Variants in PPP1R12B observed in about 807,000 individuals in gnomAD.
PPP1R12B encodes the protein myosin phosphatase target subunit 2.
In PPP1R12B, 76 loss-of-function variants were observed where a neutral mutation model predicts 126.1. The observed-to-expected ratio is 0.60, with a 90% CI of 0.50 to 0.73. The LOEUF is 0.73. Among genes scored for constraint, PPP1R12B ranks in the 30% least tolerant of loss-of-function variants. The pLI is 0.00. For synonymous variants in PPP1R12B, 356 were observed against 434.7 expected (o/e 0.82, Z 2.25); for missense variants, 1,052 against 1,205.1 (o/e 0.87, Z 1.88).
Position 202,493,237 on chromosome 1 carries a change from G to A in PPP1R12B, c.2065G>A (p.Glu689Lys). 1 of 1,613,038 alleles carries A rather than the reference G, an allele frequency of 6.2e-7. No individual in the cohort carries two copies. The highest frequency in any genetic ancestry group is 8.5e-7 in the Non-Finnish European group (1 of 1,179,872). The change falls in exon 15 of 24, where the codon GAG becomes AAG. Residue 689 changes from glutamate to lysine, a missense_variant. By Grantham distance (56) the Glu-to-Lys change is moderately conservative. Transcript: ENST00000608999. ...CACTGAAGGGCTTGAGGGGAGCCCT[G>A]AGAAGCATGAGCCCTCAGCAGTTCC... ...TDTEGLEGSPEKHEPSAVPAT... is the reference protein window; with the variant it reads ...TDTEGLEGSPKKHEPSAVPAT...
chr1:202,421,444 C>G (rs1270005394), intron 2 of PPP1R12B, among the ~76,000 whole-genome samples: 2 of 151,560 alleles, frequency 1.3e-5, no homozygotes, highest in Non-Finnish European at 2.9e-5. Flanking sequence ...CAAGACCAGC[C>G]TGACCAACAT....
At chr1:202,474,539 A>G (rs998181760) in intron 13 of PPP1R12B, among the ~76,000 whole-genome samples, 31 of 152,136 alleles carry the variant, frequency 2.0e-4, no homozygotes, top group Non-Finnish European at 4.4e-4. Flanking sequence ...CGGCCTCCTA[A>G]AATGCTGGAA....
chr1:202,357,501 T>C (rs1244335594), intron 1 of PPP1R12B, among the ~76,000 whole-genome samples: 1 of 152,200 alleles, frequency 6.6e-6, no homozygotes, highest in Non-Finnish European at 1.5e-5. Context: ...TAATTGTAAT[T>C]TAAATGAGGG....
chr1:202,350,745 CG>C (rs1655803170), intron 1 of PPP1R12B, among the ~76,000 whole-genome samples: 1 of 151,820 alleles, frequency 6.6e-6, no homozygotes, highest in African/African-American at 2.4e-5. Flanking sequence ...CTCAGCCTCC[CG>C]AGTAGCTGGG....
chr1:202,513,307 A>G (rs1162876902), intron 18 of PPP1R12B, among the ~76,000 whole-genome samples: 1 of 152,152 alleles, frequency 6.6e-6, no homozygotes, highest in Non-Finnish European at 1.5e-5. Context: ...AAGAATATCT[A>G]GTATTTAGGT....
Position 202,416,773 on chromosome 1 carries a change from ACTTTT to A in PPP1R12B, c.292-7_292-3del, listed in dbSNP as rs1449605374. 1 of 1,612,090 alleles carries A rather than the reference ACTTTT, an allele frequency of 6.2e-7. No individual in the cohort carries two copies. On this transcript the variant is annotated splice_polypyrimidine_tract_variant and intron_variant, in intron 1 of 23. Coordinates refer to ENST00000608999, the MANE Select transcript of PPP1R12B (RefSeq NM_002481.4). The stretch of plus-strand genomic sequence containing the variant: ...GAATACTTGTTGAATGAATGAATGG[ACTTTT>A]CTTTTCAGGCATGTATTGATGAAAA...
intron 18 of PPP1R12B, among the ~76,000 whole-genome samples, chr1:202,546,586 A>G (rs1375225221): frequency 6.6e-6 from 1 of 152,160 alleles, no homozygotes; most frequent in Non-Finnish European, 1.5e-5. Flanking sequence ...CCTGGGCAAC[A>G]GAATGAGACT....
intron 18 of PPP1R12B, among the ~76,000 whole-genome samples, chr1:202,517,489 C>T (rs1282656034): frequency 6.6e-6 from 1 of 152,088 alleles, no homozygotes; most frequent in African/African-American, 2.4e-5. Context: ...TACTGCAACC[C>T]ACAACTGACC....
At chr1:202,561,379 T>C (rs1253493407) in intron 19 of PPP1R12B, among the ~76,000 whole-genome samples, 1 of 149,860 alleles carries the variant, frequency 6.7e-6, no homozygotes, top group African/African-American at 2.4e-5. Flanking sequence ...TGGAGAAGAC[T>C]GCAGTCTTTT....
intron 1 of PPP1R12B, among the ~76,000 whole-genome samples, chr1:202,394,134 C>T (rs1664549220): frequency 2.6e-5 from 4 of 151,132 alleles, no homozygotes; most frequent in Non-Finnish European, 4.4e-5. Context: ...GTCAGGAGAT[C>T]GAGACCATCC....
intron 1 of PPP1R12B, 84 bp downstream of exon 1, chr1:202,349,226 G>A: frequency 1.3e-6 from 2 of 1,512,022 alleles, no homozygotes; most frequent in Non-Finnish European, 1.8e-6. Context: ...GGGAGTATCA[G>A]TGTTGCCGCC....
intron 1 of PPP1R12B, among the ~76,000 whole-genome samples, chr1:202,373,924 G>T (rs1290045543): frequency 6.6e-6 from 1 of 152,014 alleles, no homozygotes; most frequent in Non-Finnish European, 1.5e-5. Flanking sequence ...TAATGGTCAA[G>T]AAATAAAATA....
At chr1:202,536,440 A>G (rs1218061256) in intron 18 of PPP1R12B, among the ~76,000 whole-genome samples, 1 of 152,126 alleles carries the variant, frequency 6.6e-6, no homozygotes, top group Non-Finnish European at 1.5e-5. Context: ...AAAATGATAT[A>G]CCTGTATAGG....
chr1:202,431,643 A>G (rs746686312), intron 8 of PPP1R12B, 24 bp downstream of exon 8: 23 of 1,591,842 alleles, frequency 1.4e-5, no homozygotes, highest in Non-Finnish European at 2.0e-5. Context: ...GTTCATAGTG[A>G]AGATCCTCTA....
At chr1:202,501,352 G>A (rs1334632731) in intron 18 of PPP1R12B, among the ~76,000 whole-genome samples, 5 of 152,122 alleles carry the variant, frequency 3.3e-5, no homozygotes, top group Non-Finnish European at 5.9e-5. Flanking sequence ...TTTTTTACCT[G>A]CATCTTTGGC....
At chr1:202,439,133 C>T (rs1259509239) in intron 10 of PPP1R12B, 1 of 1,579,142 alleles carries the variant, frequency 6.3e-7, no homozygotes, top group Non-Finnish European at 8.7e-7. Context: ...GGAGCAGCTC[C>T]TGTAGTTGAA....
intron 2 of PPP1R12B, among the ~76,000 whole-genome samples, chr1:202,421,775 A>T (rs996628580): frequency 6.6e-6 from 1 of 152,210 alleles, no homozygotes; most frequent in African/African-American, 2.4e-5. Context: ...AGTATTTGAT[A>T]GAGCTCCTAG....
intron 1 of PPP1R12B, among the ~76,000 whole-genome samples, chr1:202,412,345 A>C (rs1385665977): frequency 6.6e-6 from 1 of 152,190 alleles, no homozygotes; most frequent in Non-Finnish European, 1.5e-5. Flanking sequence ...AATTTAAAAG[A>C]AGAGAACTGA....
Position 202,486,129 on chromosome 1 carries a change from G to A in PPP1R12B, c.1851-2404G>A, listed in dbSNP as rs370651944. 3.8e-4 allele frequency among the ~76,000 whole-genome samples: 58 copies of A among 152,194 alleles called. No homozygotes were observed. The East Asian group carries it at 6.4e-3, about 17-fold the overall frequency. On this transcript the variant is annotated intron_variant, in intron 13 of 23. Transcript: ENST00000608999. Reference sequence around the variant, plus strand: ...ACTCCTGGGCTCAAGCCAGCTACCCGCCTGGGCCTCCCAAAGTGTTGGGAT... The same window carrying A: ...ACTCCTGGGCTCAAGCCAGCTACCCACCTGGGCCTCCCAAAGTGTTGGGAT...
Sources: allele counts gnomAD v4.1 joint callset (sites outside exome capture counted in the v4.1 genomes callset), GRCh38; gene constraint gnomAD v4.1.1; transcripts MANE v1.5; gene names NCBI Gene and HGNC (gene_info 2026-07-23, HGNC 2026-07-21).